Variants in DMD observed in about 807,000 individuals in gnomAD.
DMD encodes the protein dystrophin.
A neutral mutation model predicts 330.1 loss-of-function variants in DMD; 63 were observed. That is an observed-to-expected ratio of 0.19 (90% CI 0.16 to 0.24). DMD has a LOEUF of 0.24. DMD is among the 10% of genes least tolerant of loss of function. DMD has a pLI of 1.00. For synonymous variants in DMD, 1,223 were observed against 959.8 expected (o/e 1.27, Z -5.07); for missense variants, 3,344 against 2,684.1 (o/e 1.25, Z -5.43).
chrX:32,033,691 G>A lies in DMD; in HGVS notation c.6439-65177C>T, dbSNP rs1399933153. Among the ~76,000 whole-genome samples, 4 of 105,131 alleles carry A rather than the reference G, an allele frequency of 3.8e-5. No individual in the cohort carries two copies. In the East Asian group the frequency reaches 8.9e-4, roughly 23 times the overall value. 91.3% of individuals were successfully genotyped at this position (105,131 alleles called of 115,157 possible). ...AAGAAAGGAAGGAAAGAAAGAAAGAGAAAGAAAGAAAGAAGAAAAAGAAAA... is the reference window on the plus strand; with the variant it reads ...AAGAAAGGAAGGAAAGAAAGAAAGAAAAAGAAAGAAAGAAGAAAAAGAAAA... On this transcript the variant is annotated intron_variant, in intron 44 of 78. Transcript: ENST00000357033.
chrX:32,302,069 A>G lies in DMD; in HGVS notation c.6117+8013T>C, dbSNP rs935446986. 2.7e-5 allele frequency among the ~76,000 whole-genome samples: 3 copies of G among 111,255 alleles called. No homozygotes were observed. In the Admixed American group the frequency reaches 2.9e-4, roughly 11 times the overall value. Reference sequence around the variant, plus strand: ...AAAAATTACTCCTGAATAAGTAACAACTAGCCTCGGAAATACACATGGCCC... The same window carrying G: ...AAAAATTACTCCTGAATAAGTAACAGCTAGCCTCGGAAATACACATGGCCC... On this transcript the variant is annotated intron_variant, in intron 42 of 78. Coordinates refer to ENST00000357033, the MANE Select transcript of DMD (RefSeq NM_004006.3).
At chrX:32,316,196 T>C (rs1321674896) in intron 41 of DMD, among the ~76,000 whole-genome samples, 1 of 111,547 alleles carries the variant, frequency 9.0e-6, no homozygotes, top group Admixed American at 9.6e-5. Context: ...CTAGAACACT[T>C]AGAAATATTA....
chrX:32,521,335 C>T (rs759475336), intron 17 of DMD, among the ~76,000 whole-genome samples: 45 of 111,764 alleles, frequency 4.0e-4, no homozygotes, highest in Admixed American at 3.9e-3. Flanking sequence ...ACCATACTAT[C>T]CGTTTGTAAT....
intron 44 of DMD, among the ~76,000 whole-genome samples, chrX:32,043,328 C>T (rs951044044): frequency 8.9e-5 from 10 of 112,172 alleles, no homozygotes; most frequent in African/African-American, 3.2e-4. Flanking sequence ...CTGGACACAG[C>T]TCAGTGGATA....
chrX:33,337,278 A>G (rs1199742539), intron 1 of DMD, among the ~76,000 whole-genome samples: 2 of 111,687 alleles, frequency 1.8e-5, no homozygotes. Context: ...ACAGTCTTGA[A>G]TGGTCACTTA....
intron 34 of DMD, among the ~76,000 whole-genome samples, chrX:32,376,123 C>T (rs993714821): frequency 4.5e-5 from 5 of 110,440 alleles, no homozygotes; most frequent in African/African-American, 1.6e-4. Context: ...CTACCGAAAA[C>T]ACAAAAAATT....
chrX:31,845,029 C>T (rs867278331), intron 48 of DMD, among the ~76,000 whole-genome samples: 1 of 90,643 alleles, frequency 1.1e-5, no homozygotes, highest in African/African-American at 4.2e-5. Context: ...TATGTGTATA[C>T]ATATATATAT....
At chrX:31,845,005 G>C (rs2093387570) in intron 48 of DMD, among the ~76,000 whole-genome samples, 1 of 94,962 alleles carries the variant, frequency 1.1e-5, no homozygotes, top group Non-Finnish European at 2.2e-5. Context: ...CAGTGTCTCA[G>C]AGGTATGCCT....
intron 50 of DMD, among the ~76,000 whole-genome samples, chrX:31,800,444 G>A (rs935977783): frequency 1.8e-5 from 2 of 112,190 alleles, no homozygotes; most frequent in African/African-American, 6.5e-5. Context: ...TGCAGGGCAC[G>A]AAGTCCTGAG....
At chrX:31,250,631 T>G (rs923908071) in intron 63 of DMD, among the ~76,000 whole-genome samples, 2 of 111,980 alleles carry the variant, frequency 1.8e-5, no homozygotes, top group African/African-American at 6.5e-5. Flanking sequence ...GACATTGCCA[T>G]GACATCCAAA....
intron 44 of DMD, among the ~76,000 whole-genome samples, chrX:32,121,658 T>C (rs2096636594): frequency 1.2e-5 from 1 of 85,270 alleles, no homozygotes; most frequent in Non-Finnish European, 2.3e-5. Context: ...TATATATATA[T>C]ATATATGTAT....
chrX:32,347,249 T>A (rs1296927223), intron 38 of DMD, among the ~76,000 whole-genome samples: 1 of 111,671 alleles, frequency 9.0e-6, no homozygotes, highest in African/African-American at 3.3e-5. Flanking sequence ...TTTTAAAAGG[T>A]GTTGTAAAAG....
chrX:31,988,215 G>A (rs747321298), intron 44 of DMD, among the ~76,000 whole-genome samples: 2 of 110,735 alleles, frequency 1.8e-5, no homozygotes, highest in South Asian at 7.7e-4. Context: ...GCTCATGCCT[G>A]TAATCCCAGC....
intron 1 of DMD, among the ~76,000 whole-genome samples, chrX:33,072,292 C>T (rs2148169886): frequency 9.0e-6 from 1 of 111,601 alleles, no homozygotes. Flanking sequence ...GTCGCAGGCA[C>T]CTGTAATCCT....
At chrX:31,478,045 T>C (rs1021402937) in intron 59 of DMD, 61 bp downstream of exon 59, 40 of 1,164,813 alleles carry the variant, frequency 3.4e-5, no homozygotes, top group Non-Finnish European at 4.4e-5. Flanking sequence ...TGCACTCAAG[T>C]TCAGATTAGA....
intron 60 of DMD, among the ~76,000 whole-genome samples, chrX:31,388,349 G>A (rs377498118): frequency 9.1e-6 from 1 of 110,329 alleles, no homozygotes; most frequent in Non-Finnish European, 1.9e-5. Context: ...TGAGGGCAGG[G>A]GTTTTGTCTT....
intron 2 of DMD, among the ~76,000 whole-genome samples, chrX:32,869,482 T>A (rs1393595366): frequency 9.1e-6 from 1 of 109,770 alleles, no homozygotes; most frequent in Non-Finnish European, 1.9e-5. Context: ...TCTAACCCAA[T>A]GCAAAGAAGT....
At chrX:32,838,831 T>C (rs1395507769) in intron 4 of DMD, among the ~76,000 whole-genome samples, 1 of 112,071 alleles carries the variant, frequency 8.9e-6, no homozygotes, top group Non-Finnish European at 1.9e-5. Flanking sequence ...TTGGTGGGAA[T>C]GTAAATTAGT....
chrX:32,611,915 G>A (rs781250292), intron 12 of DMD, among the ~76,000 whole-genome samples: 42 of 111,962 alleles, frequency 3.8e-4, no homozygotes, highest in Non-Finnish European at 7.0e-4. Context: ...TAAAGATACA[G>A]AGAACCTGGG....
Sources: gnomAD v4.1 joint callset for allele counts (sites outside exome capture counted in the v4.1 genomes callset) on GRCh38, gnomAD v4.1.1 for gene constraint, MANE v1.5 for transcripts, NCBI Gene and HGNC (gene_info 2026-07-23, HGNC 2026-07-21) for gene names.